The following KCNH1 variants were observed in gnomAD, a reference collection of about 807,000 sequenced individuals.
KCNH1 encodes potassium voltage-gated channel subfamily H member 1.
KCNH1 carries 27 observed loss-of-function variants against 69.2 expected under a neutral mutation model. The ratio of observed to expected loss-of-function variants is 0.39; its 90% CI spans 0.29 to 0.54. The LOEUF is 0.54. KCNH1 is among the 20% of genes least tolerant of loss of function. KCNH1 has a pLI of 0.68. For missense variants in KCNH1, 798 were observed against 1,261.6 expected (o/e 0.63, Z 5.57); for synonymous variants, 456 against 487.7 (o/e 0.93, Z 0.86).
intron 8 of KCNH1, among the ~76,000 whole-genome samples, chr1:210,802,629 C>T (rs1684452562): frequency 6.6e-6 from 1 of 152,164 alleles, no homozygotes; most frequent in Admixed American, 6.5e-5. Context: ...TCCAGTACCA[C>T]CAAATTTTCA....
At chr1:210,850,443 G>A (rs553637220) in intron 7 of KCNH1, among the ~76,000 whole-genome samples, 33 of 152,286 alleles carry the variant, frequency 2.2e-4, no homozygotes, top group Non-Finnish European at 3.7e-4. Context: ...TCCGGGAGGC[G>A]GAGGTTGCAG....
chr1:210,739,033 A>C (rs369759504), intron 10 of KCNH1, among the ~76,000 whole-genome samples: 4 of 152,266 alleles, frequency 2.6e-5, no homozygotes, highest in African/African-American at 7.2e-5. Flanking sequence ...CAATTCCTAT[A>C]CTATCCTGTG....
intron 7 of KCNH1, among the ~76,000 whole-genome samples, chr1:210,806,826 A>ATATATATATATATAT (rs1558477801): frequency 1.9e-4 from 9 of 48,202 alleles, no homozygotes; most frequent in African/African-American, 3.3e-4. Context: ...AAAAAAAAAA[A>ATATATATATATATAT]AAAAAAAAAA....
At chr1:211,065,221 T>C (rs1013240879) in intron 5 of KCNH1, among the ~76,000 whole-genome samples, 6 of 152,106 alleles carry the variant, frequency 3.9e-5, no homozygotes, top group African/African-American at 1.4e-4. Flanking sequence ...ATAACCAAGA[T>C]ATGGAATCAA....
At chr1:211,030,060 A>T (rs1689753888) in intron 5 of KCNH1, among the ~76,000 whole-genome samples, 2 of 152,218 alleles carry the variant, frequency 1.3e-5, no homozygotes, top group Non-Finnish European at 2.9e-5. Flanking sequence ...AAGACAAAAC[A>T]TACTGAAGAT....
intron 8 of KCNH1, 107 bp downstream of exon 8, chr1:210,803,860 G>A: frequency 1.0e-6 from 1 of 968,484 alleles, no homozygotes; most frequent in Non-Finnish European, 1.6e-6. Context: ...GTACTCAAGT[G>A]AATTCTGAGC....
At chr1:210,867,042 T>C (rs918916136) in intron 7 of KCNH1, among the ~76,000 whole-genome samples, 1 of 152,024 alleles carries the variant, frequency 6.6e-6, no homozygotes, top group African/African-American at 2.4e-5. Context: ...ATTCAATTTA[T>C]ATGAAGTGTC....
intron 7 of KCNH1, among the ~76,000 whole-genome samples, chr1:210,914,989 G>A (rs888675677): frequency 2.6e-5 from 4 of 152,116 alleles, no homozygotes; most frequent in African/African-American, 9.7e-5. Flanking sequence ...ATGACATTAT[G>A]AGAAGAGAAT....
chr1:210,943,301 G>T (rs376926347), intron 6 of KCNH1, among the ~76,000 whole-genome samples: 1 of 151,644 alleles, frequency 6.6e-6, no homozygotes, highest in South Asian at 2.1e-4. Flanking sequence ...AACTATAATG[G>T]AACTGATGAG....
At chr1:210,812,297 C>T (rs550317495) in intron 7 of KCNH1, among the ~76,000 whole-genome samples, 34 of 152,230 alleles carry the variant, frequency 2.2e-4, no homozygotes, top group African/African-American at 7.0e-4. Flanking sequence ...GACTTTAACA[C>T]CCTCCTTTGC....
intron 6 of KCNH1, among the ~76,000 whole-genome samples, chr1:211,010,384 C>T (rs765258466): frequency 3.9e-5 from 6 of 152,114 alleles, no homozygotes; most frequent in Admixed American, 1.3e-4. Context: ...TGAGATCCCA[C>T]CCTAATGGAA....
intron 7 of KCNH1, among the ~76,000 whole-genome samples, chr1:210,912,982 A>C (rs1687263556): frequency 6.6e-6 from 1 of 152,256 alleles, no homozygotes; most frequent in South Asian, 2.1e-4. Flanking sequence ...AATCCAAGTG[A>C]ATAAACCCAA....
intron 7 of KCNH1, among the ~76,000 whole-genome samples, chr1:210,880,269 C>A (rs1686467753): frequency 6.6e-6 from 1 of 151,946 alleles, no homozygotes; most frequent in African/African-American, 2.4e-5. Context: ...GGCAAAGGAC[C>A]CAGAATAGCC....
intron 6 of KCNH1, among the ~76,000 whole-genome samples, chr1:211,005,917 A>G (rs1689272392): frequency 6.6e-6 from 1 of 152,188 alleles, no homozygotes; most frequent in South Asian, 2.1e-4. Flanking sequence ...TATTATGTGT[A>G]GAAAAGGAGA....
intron 7 of KCNH1, among the ~76,000 whole-genome samples, chr1:210,851,004 C>T (rs543537006): frequency 6.6e-6 from 1 of 152,328 alleles, no homozygotes; most frequent in African/African-American, 2.4e-5. Flanking sequence ...GCCAAATCAA[C>T]CTTCTCACTC....
At chr1:210,949,749 T>A (rs1472097986) in intron 6 of KCNH1, among the ~76,000 whole-genome samples, 1 of 152,208 alleles carries the variant, frequency 6.6e-6, no homozygotes, top group Non-Finnish European at 1.5e-5. Flanking sequence ...TATCGCCCAT[T>A]ATAATTGTTC....
intron 7 of KCNH1, among the ~76,000 whole-genome samples, chr1:210,835,069 T>C (rs558780722): frequency 2.6e-5 from 4 of 152,290 alleles, no homozygotes; most frequent in African/African-American, 7.2e-5. Context: ...TGATCTTCAG[T>C]TGAGTGCCTA....
intron 6 of KCNH1, among the ~76,000 whole-genome samples, chr1:210,940,651 G>T (rs937820042): frequency 6.6e-6 from 1 of 152,144 alleles, no homozygotes; most frequent in East Asian, 1.9e-4. Flanking sequence ...AATAAACTGC[G>T]TATTCAGTTG....
At chr1:210,806,825 A>T (rs1472507804) in intron 7 of KCNH1, among the ~76,000 whole-genome samples, 940 of 60,006 alleles carry the variant, frequency 0.016, 143 homozygotes, top group African/African-American at 0.06. Flanking sequence ...AAAAAAAAAA[A>T]AAAAAAAAAA....
Sources: gnomAD v4.1 joint callset for allele counts (sites outside exome capture counted in the v4.1 genomes callset) on GRCh38, gnomAD v4.1.1 for gene constraint, MANE v1.5 for transcripts, NCBI Gene and HGNC (gene_info 2026-07-23, HGNC 2026-07-21) for gene names.